Variants in ADAMTSL3 observed in about 807,000 individuals in gnomAD.
ADAMTSL3 encodes the protein ADAMTS like 3, also known as ADAMTS-like protein 3.
ADAMTSL3 carries 128 observed loss-of-function variants against 201.7 expected under a neutral mutation model. The observed-to-expected ratio is 0.63, with a 90% confidence interval of 0.55 to 0.73. The LOEUF (loss-of-function observed/expected upper bound fraction) is 0.73, where lower values mean the gene tolerates loss of function less well. Among genes scored for constraint, ADAMTSL3 ranks in the 30% least tolerant of loss-of-function variants. ADAMTSL3 has a pLI of 0.00. For synonymous variants in ADAMTSL3, 738 were observed against 748.4 expected (o/e 0.99, Z 0.23); for missense variants, 1,990 against 2,119.6 (o/e 0.94, Z 1.20).
chr15:84,002,667 C>G (rs561069681), intron 23 of ADAMTSL3, among the ~76,000 whole-genome samples: 20 of 152,100 alleles, frequency 1.3e-4, no homozygotes, highest in Admixed American at 1.2e-3. Flanking sequence ...CCAGCCTTCC[C>G]CTTCTACCCT....
Position 84,038,086 on chromosome 15 carries a change from A to C in ADAMTSL3, c.*280A>C. On this transcript the variant is annotated 3_prime_UTR_variant, in exon 30 of 30. Coordinates refer to ENST00000286744, the MANE Select transcript of ADAMTSL3 (RefSeq NM_207517.3). ...CCTCATCATGTCAGTTGAATCGAGA[A>C]ATCACCAAGATTATGAGTGCATCCT... The C allele has an allele frequency of 2.6e-6, 1 of 378,094 alleles. No homozygotes were observed. The highest frequency in any genetic ancestry group is 4.7e-6 in the Non-Finnish European group (1 of 212,088). The allele number at this position is 378,094 out of a possible 1,614,324, so 23.4% of individuals were successfully genotyped here. A position where few individuals can be genotyped will look rare whatever the true frequency, so the allele number is the denominator to read the frequency against.
chr15:83,897,739 T>TA, intron 13 of ADAMTSL3, 119 bp from the exon 14 acceptor site: 2 of 1,180,420 alleles, frequency 1.7e-6, no homozygotes, highest in Non-Finnish European at 2.3e-6. Context: ...AATATTTGTC[T>TA]AAAAGTCTTT....
chr15:83,901,183 G>A (rs1160327674), intron 15 of ADAMTSL3, among the ~76,000 whole-genome samples: 1 of 152,164 alleles, frequency 6.6e-6, no homozygotes, highest in Non-Finnish European at 1.5e-5. Flanking sequence ...ATGTGAGGGG[G>A]AATGGCTTCA....
chr15:83,687,544 A>G (rs2141444246), intron 2 of ADAMTSL3, among the ~76,000 whole-genome samples: 1 of 152,216 alleles, frequency 6.6e-6, no homozygotes, highest in South Asian at 2.1e-4. Flanking sequence ...TCCATCACTC[A>G]GACCACAGCT....
At chr15:84,030,255 A>C (rs1346941725) in intron 27 of ADAMTSL3, among the ~76,000 whole-genome samples, 2 of 152,164 alleles carry the variant, frequency 1.3e-5, no homozygotes, top group Non-Finnish European at 2.9e-5. Flanking sequence ...ACAGTCACTT[A>C]ACACCAGCCC....
intron 3 of ADAMTSL3, among the ~76,000 whole-genome samples, chr15:83,740,770 A>T (rs1451230730): frequency 6.6e-6 from 1 of 152,210 alleles, no homozygotes; most frequent in Non-Finnish European, 1.5e-5. Flanking sequence ...AATAAATATC[A>T]GACAAATTCT....
At chr15:83,890,805 C>T (rs929690850) in intron 11 of ADAMTSL3, 1 of 154,318 alleles carries the variant, frequency 6.5e-6, no homozygotes, top group Non-Finnish European at 1.4e-5. Context: ...TCCCAGAATC[C>T]TCCAGATATC....
intron 19 of ADAMTSL3, among the ~76,000 whole-genome samples, chr15:83,957,855 A>T (rs2066890065): frequency 3.9e-5 from 6 of 152,218 alleles, no homozygotes; most frequent in Admixed American, 3.9e-4. Flanking sequence ...ACCATGGAAG[A>T]TGACTACCAT....
At chr15:83,692,352 C>A (rs557150844) in intron 2 of ADAMTSL3, among the ~76,000 whole-genome samples, 1 of 151,828 alleles carries the variant, frequency 6.6e-6, no homozygotes, top group African/African-American at 2.4e-5. Context: ...ACAAAGACAC[C>A]CTGACTCTAA....
intron 23 of ADAMTSL3, among the ~76,000 whole-genome samples, chr15:84,013,941 TC>T (rs1329135876): frequency 6.6e-6 from 1 of 152,156 alleles, no homozygotes; most frequent in Non-Finnish European, 1.5e-5. Flanking sequence ...TTGCTTACAG[TC>T]CCTGCATCTC....
At chr15:83,666,924 T>C (rs899020635) in intron 2 of ADAMTSL3, among the ~76,000 whole-genome samples, 1 of 152,068 alleles carries the variant, frequency 6.6e-6, no homozygotes, top group African/African-American at 2.4e-5. Flanking sequence ...GAGAATCTTA[T>C]TAATTTGTAA....
At position 83,899,668 on chromosome 15, in the gene ADAMTSL3, A is replaced by G; in HGVS notation, c.1637A>G (p.Lys546Arg). 1 of 1,612,230 alleles carries G rather than the reference A, an allele frequency of 6.2e-7. No individual in the cohort carries two copies. Among genetic ancestry groups the G allele is most frequent in the East Asian group, 2.2e-5 (1 of 44,720 alleles). ...KPKEKSPVEA[K>R]LPWLKQAQEL... ...TTAGAAAAAAGTCCAGTGGAAGCAAAATTGCCTTGGCTGAAACAAGCACAA... is the reference window on the plus strand; with the variant it reads ...TTAGAAAAAAGTCCAGTGGAAGCAAGATTGCCTTGGCTGAAACAAGCACAA... Residue 546 changes from lysine to arginine, a missense_variant, in exon 15 of 30, where the codon AAA (lysine) becomes AGA (arginine). Transcript: ENST00000286744.
At chr15:83,896,545 C>T (rs2065618741) in intron 13 of ADAMTSL3, among the ~76,000 whole-genome samples, 1 of 151,904 alleles carries the variant, frequency 6.6e-6, no homozygotes, top group Non-Finnish European at 1.5e-5. Context: ...AATAGGGGTT[C>T]ATCGGTTGGA....
At chr15:84,013,800 C>T (rs1014295998) in intron 23 of ADAMTSL3, among the ~76,000 whole-genome samples, 9 of 152,114 alleles carry the variant, frequency 5.9e-5, no homozygotes, top group Non-Finnish European at 1.3e-4. Flanking sequence ...GAAGAAGAAC[C>T]AAATGAAATT....
At chr15:83,791,723 G>C (rs1357247774) in intron 4 of ADAMTSL3, among the ~76,000 whole-genome samples, 2 of 151,990 alleles carry the variant, frequency 1.3e-5, no homozygotes, top group Non-Finnish European at 2.9e-5. Context: ...TGCCGGGCAT[G>C]GTAGCGGGCG....
intron 9 of ADAMTSL3, among the ~76,000 whole-genome samples, chr15:83,878,733 G>GT (rs1011599699): frequency 6.6e-6 from 1 of 152,058 alleles, no homozygotes; most frequent in Admixed American, 6.5e-5. Flanking sequence ...TTTTGTTGTT[G>GT]TTTTGGTACC....
intron 3 of ADAMTSL3, among the ~76,000 whole-genome samples, chr15:83,706,444 C>G (rs536683176): frequency 2.0e-5 from 3 of 152,050 alleles, no homozygotes; most frequent in Non-Finnish European, 4.4e-5. Flanking sequence ...TGTGTTGCCC[C>G]CACTGTGTAT....
At chr15:83,988,556 TG>T in intron 21 of ADAMTSL3, 134 bp from the exon 22 acceptor site, 2 of 671,436 alleles carry the variant, frequency 3.0e-6, no homozygotes, top group South Asian at 3.9e-5. Context: ...GGCAGGATGC[TG>T]GACAAAATTA....
At chr15:83,815,449 GCCCA>G (rs2063758229) in intron 5 of ADAMTSL3, among the ~76,000 whole-genome samples, 1 of 152,172 alleles carries the variant, frequency 6.6e-6, no homozygotes, top group Non-Finnish European at 1.5e-5. Flanking sequence ...CTAGGGCAAA[GCCCA>G]TCAAGTATAT....
Sources: gnomAD v4.1 joint callset for allele counts (sites outside exome capture counted in the v4.1 genomes callset) on GRCh38, gnomAD v4.1.1 for gene constraint, MANE v1.5 for transcripts, NCBI Gene and HGNC (gene_info 2026-07-23, HGNC 2026-07-21) for gene names.